The following TLE1 variants were observed in gnomAD, a reference collection of about 807,000 sequenced individuals.
TLE1 encodes the protein transducin-like enhancer protein 1.
Under a neutral mutation model 89.8 loss-of-function variants are expected in TLE1, and 21 were observed. That is an observed-to-expected ratio of 0.23 (90% CI 0.17 to 0.34). TLE1 has a LOEUF of 0.34. TLE1 is among the 10% of genes least tolerant of loss of function. The pLI, the probability that TLE1 is intolerant of heterozygous loss-of-function variation, is 1.00. For synonymous variants in TLE1, 447 were observed against 407.6 expected (o/e 1.10, Z -1.16); for missense variants, 795 against 1,031.2 (o/e 0.77, Z 3.14).
chr9:81,629,181 TA>T (rs765089691), intron 8 of TLE1, among the ~76,000 whole-genome samples: 6 of 151,592 alleles, frequency 4.0e-5, no homozygotes, highest in Admixed American at 6.6e-5. Flanking sequence ...TGACTCAAAG[TA>T]TTTAAAAGCA....
intron 16 of TLE1, among the ~76,000 whole-genome samples, chr9:81,588,782 A>T (rs965107296): frequency 2.0e-5 from 3 of 152,256 alleles, no homozygotes; most frequent in South Asian, 4.1e-4. Context: ...ACCCACCCTC[A>T]GAAGCAGGCG....
intron 4 of TLE1, among the ~76,000 whole-genome samples, chr9:81,659,129 G>A (rs536462062): frequency 2.0e-5 from 3 of 152,134 alleles, no homozygotes; most frequent in Admixed American, 6.5e-5. Flanking sequence ...GGATGGTCTC[G>A]ATCTCCTGAT....
intron 4 of TLE1, among the ~76,000 whole-genome samples, chr9:81,665,970 A>T (rs1169827906): frequency 7.2e-5 from 11 of 151,998 alleles, no homozygotes; most frequent in Non-Finnish European, 1.6e-4. Context: ...TAATGACTTA[A>T]ATGTTTTGAC....
In TLE1 at chr9:81,614,532, G is replaced by A. The variant is rs138071852; in HGVS notation, c.919-1011C>T. The stretch of plus-strand genomic sequence containing the variant: ...CCAAGAACCACTACAGCGTGGCAAA[G>A]AGCACGGGCTAAAGAGAGCTCTTTC... On this transcript the variant is annotated intron_variant, in intron 11 of 19. Coordinates refer to ENST00000376499, the MANE Select transcript of TLE1 (RefSeq NM_005077.5). Among the ~76,000 whole-genome samples, 222 of 152,266 alleles carry A rather than the reference G, an allele frequency of 1.5e-3. 4 individuals carry two copies. The highest frequency in any genetic ancestry group is 5.1e-3 in the African/African-American group (212 of 41,558).
intron 14 of TLE1, among the ~76,000 whole-genome samples, chr9:81,603,760 G>A (rs1175951133): frequency 6.6e-6 from 1 of 152,190 alleles, no homozygotes; most frequent in Non-Finnish European, 1.5e-5. Context: ...CCAGCACTTT[G>A]GGAGGCCAAG....
At chr9:81,628,367 T>A (rs928372247) in intron 8 of TLE1, among the ~76,000 whole-genome samples, 1 of 152,204 alleles carries the variant, frequency 6.6e-6, no homozygotes, top group South Asian at 2.1e-4. Context: ...ACAAAACTCA[T>A]GTTCATTCTA....
chr9:81,670,951 C>G (rs1187006909), intron 4 of TLE1, among the ~76,000 whole-genome samples: 1 of 151,214 alleles, frequency 6.6e-6, no homozygotes, highest in Non-Finnish European at 1.5e-5. Context: ...GATGGATCAC[C>G]TGAGGTCAGG....
At chr9:81,596,964 G>C (rs1241241901) in intron 14 of TLE1, among the ~76,000 whole-genome samples, 1 of 152,192 alleles carries the variant, frequency 6.6e-6, no homozygotes, top group Non-Finnish European at 1.5e-5. Flanking sequence ...TCAAGAGGAA[G>C]TCGAGGGGAA....
At chr9:81,634,571 C>T (rs185036860) in intron 6 of TLE1, among the ~76,000 whole-genome samples, 7 of 152,208 alleles carry the variant, frequency 4.6e-5, no homozygotes. Flanking sequence ...CACATCTACA[C>T]TGTCACTTTC....
At chr9:81,617,794 G>A (rs113315509) in intron 9 of TLE1, among the ~76,000 whole-genome samples, 2 of 152,100 alleles carry the variant, frequency 1.3e-5, no homozygotes, top group East Asian at 1.9e-4. Flanking sequence ...GGGAGGCCGA[G>A]GCAGGTGGAT....
At chr9:81,614,263 TGA>T (rs1025110274) in intron 11 of TLE1, among the ~76,000 whole-genome samples, 2 of 152,004 alleles carry the variant, frequency 1.3e-5, no homozygotes, top group Non-Finnish European at 2.9e-5. Flanking sequence ...AGACAAATGG[TGA>T]GAGAGAGTGG....
At chr9:81,678,804 C>T (rs1160234092) in intron 4 of TLE1, among the ~76,000 whole-genome samples, 1 of 151,504 alleles carries the variant, frequency 6.6e-6, no homozygotes, top group East Asian at 2.0e-4. Context: ...CGAGCCACTG[C>T]ACTCCAGCCT....
chr9:81,627,130 T>G (rs1826001178), intron 8 of TLE1, among the ~76,000 whole-genome samples: 2 of 152,122 alleles, frequency 1.3e-5, no homozygotes, highest in South Asian at 4.1e-4. Flanking sequence ...CGGACAGCAC[T>G]TACATTTATA....
chr9:81,684,566 T>C (rs1189597596), intron 4 of TLE1, among the ~76,000 whole-genome samples: 1 of 152,198 alleles, frequency 6.6e-6, no homozygotes, highest in African/African-American at 2.4e-5. Context: ...TCTTTGAATA[T>C]AAGGAAGATC....
At chr9:81,588,460 T>C (rs1236481638) in intron 16 of TLE1, among the ~76,000 whole-genome samples, 2 of 152,170 alleles carry the variant, frequency 1.3e-5, no homozygotes, top group Non-Finnish European at 2.9e-5. Context: ...GCCGGCCTCC[T>C]GACCTCAGAG....
At chr9:81,589,012 G>A (rs1829044422) in intron 16 of TLE1, among the ~76,000 whole-genome samples, 2 of 152,140 alleles carry the variant, frequency 1.3e-5, no homozygotes, top group Admixed American at 6.5e-5. Flanking sequence ...CTCTCTGCAA[G>A]CCATCCCCAA....
At chr9:81,666,976 CG>C (rs1362832117) in intron 4 of TLE1, among the ~76,000 whole-genome samples, 2 of 151,808 alleles carry the variant, frequency 1.3e-5, no homozygotes, top group Non-Finnish European at 2.9e-5. Flanking sequence ...AAAAATTAGC[CG>C]GGTGTGGTGG....
intron 6 of TLE1, among the ~76,000 whole-genome samples, chr9:81,648,554 C>T (rs1829157013): frequency 1.3e-5 from 2 of 152,068 alleles, no homozygotes; most frequent in South Asian, 4.1e-4. Context: ...TATTATCCCT[C>T]GATTATCTGT....
chr9:81,660,341 CAAAAAA>C (rs36108203), intron 4 of TLE1, among the ~76,000 whole-genome samples: 2 of 114,704 alleles, frequency 1.7e-5, no homozygotes, highest in Non-Finnish European at 3.6e-5. Context: ...AGGCTGTTCA[CAAAAAA>C]AAAAAAACAA....
Sources: allele counts gnomAD v4.1 joint callset (sites outside exome capture counted in the v4.1 genomes callset), GRCh38; gene constraint gnomAD v4.1.1; transcripts MANE v1.5; gene names NCBI Gene and HGNC (gene_info 2026-07-23, HGNC 2026-07-21).